Variants in CCDC171 observed in about 807,000 individuals in gnomAD.
The protein encoded by CCDC171 is coiled-coil domain containing 171.
In CCDC171, 177 loss-of-function variants were observed where a neutral mutation model predicts 168.2. That is an observed-to-expected ratio of 1.05 (90% CI 0.93 to 1.19). The LOEUF (loss-of-function observed/expected upper bound fraction) is 1.19, where lower values mean the gene tolerates loss of function less well. Among genes scored for constraint, CCDC171 ranks in the 50% most tolerant of loss-of-function variants. The pLI is 0.00. For missense variants in CCDC171, 1,991 were observed against 1,539.0 expected, an observed-to-expected ratio of 1.29 and a Z score of -4.91; for synonymous variants, 687 against 540.8, an observed-to-expected ratio of 1.27 and a Z score of -3.75.
chr9:15,971,661 C>A lies in CCDC171; in HGVS notation c.3806C>A (p.Pro1269His). Residue 1269 changes from proline (P) to histidine (H), a missense_variant, in exon 26 of 26, where the codon CCT becomes CAT. Coordinates refer to ENST00000380701, the MANE Select transcript of CCDC171 (RefSeq NM_173550.4). ...TCCATTCCTTCAAGAGCTCCTCTTC[C>A]TGCTGACACAACTGGTATTGGGGAT... is the stretch of plus-strand genomic sequence containing the variant. Reference protein sequence around the residue: ...NLSIPSRAPLPADTTGIGDFL... With the variant: ...NLSIPSRAPLHADTTGIGDFL... 1 of 1,613,876 alleles carries A rather than the reference C, an allele frequency of 6.2e-7. No homozygotes were observed. The highest frequency in any genetic ancestry group is 8.5e-7 in the Non-Finnish European group (1 of 1,179,876).
chr9:15,779,184 G>C (rs372999722), intron 20 of CCDC171, 34 bp downstream of exon 20: 1 of 1,259,426 alleles, frequency 7.9e-7, no homozygotes, highest in East Asian at 2.7e-5. Context: ...CTGTTGCTTT[G>C]CTGATATATA....
intron 21 of CCDC171, among the ~76,000 whole-genome samples, chr9:15,835,163 TA>T (rs1372690723): frequency 6.6e-6 from 1 of 152,234 alleles, no homozygotes; most frequent in Non-Finnish European, 1.5e-5. Context: ...TAAGAAATAC[TA>T]AGGCCCTATT....
chr9:15,808,569 C>T (rs573195485), intron 21 of CCDC171, among the ~76,000 whole-genome samples: 2 of 152,166 alleles, frequency 1.3e-5, no homozygotes, highest in African/African-American at 2.4e-5. Context: ...AACAATAAAT[C>T]TGAAAGAATC....
At chr9:16,005,821 A>G (rs1187174934) in intron 3 of CCDC171, among the ~76,000 whole-genome samples, 1 of 152,160 alleles carries the variant, frequency 6.6e-6, no homozygotes, top group Non-Finnish European at 1.5e-5. Context: ...CTAATCCCCC[A>G]TGGATATCAA....
chr9:15,983,867 G>A (rs1474711943), intron 3 of CCDC171, among the ~76,000 whole-genome samples: 1 of 120,926 alleles, frequency 8.3e-6, no homozygotes, highest in Non-Finnish European at 1.7e-5. Flanking sequence ...TTGGCATTTG[G>A]AAATCAGCAC....
intron 9 of CCDC171, among the ~76,000 whole-genome samples, chr9:15,677,932 T>G (rs2049750393): frequency 8.7e-5 from 3 of 34,294 alleles, no homozygotes; most frequent in African/African-American, 2.2e-4. Context: ...ATATAAGAGA[T>G]GTGGTCTCAT....
intron 21 of CCDC171, among the ~76,000 whole-genome samples, chr9:15,795,114 T>C (rs2058485149): frequency 2.0e-5 from 3 of 152,150 alleles, no homozygotes; most frequent in African/African-American, 7.2e-5. Flanking sequence ...GGCACCAATA[T>C]CAAGTTGTGG....
the CCDC171 span, among the ~76,000 whole-genome samples, chr9:16,091,512 G>A: frequency 6.6e-6 from 1 of 152,174 alleles, no homozygotes; most frequent in Non-Finnish European, 1.5e-5. Flanking sequence ...AATGCTCTGG[G>A]ACAACTGGTC....
chr9:15,761,314 A>C (rs541722143), intron 18 of CCDC171, among the ~76,000 whole-genome samples: 50 of 152,278 alleles, frequency 3.3e-4, no homozygotes, highest in African/African-American at 1.2e-3. Context: ...GTTGTGTTCA[A>C]CTCAACATTG....
At chr9:16,002,185 C>CT (rs1382258021) in intron 3 of CCDC171, among the ~76,000 whole-genome samples, 79 of 93,826 alleles carry the variant, frequency 8.4e-4, no homozygotes, top group South Asian at 1.5e-3. Flanking sequence ...ACTCCTTTTA[C>CT]TTTTTTTTTT....
At chr9:15,665,670 A>G (rs1272244093) in intron 8 of CCDC171, among the ~76,000 whole-genome samples, 1 of 152,158 alleles carries the variant, frequency 6.6e-6, no homozygotes, top group Non-Finnish European at 1.5e-5. Context: ...AGTCCCAGCT[A>G]CTTGAGAAGC....
intron 6 of CCDC171, among the ~76,000 whole-genome samples, chr9:16,032,274 C>A (rs934098759): frequency 6.6e-6 from 1 of 152,090 alleles, no homozygotes; most frequent in Non-Finnish European, 1.5e-5. Flanking sequence ...AATGAGACAC[C>A]AAGGTTTATT....
At chr9:15,906,196 C>T in intron 24 of CCDC171, among the ~76,000 whole-genome samples, 1 of 152,124 alleles carries the variant, frequency 6.6e-6, no homozygotes, top group Non-Finnish European at 1.5e-5. Flanking sequence ...ATCCTGATAC[C>T]AAAGCCTGGC....
chr9:15,615,580 A>G (rs577421025), intron 6 of CCDC171, among the ~76,000 whole-genome samples: 19 of 152,324 alleles, frequency 1.2e-4, no homozygotes, highest in African/African-American at 4.6e-4. Context: ...TAGCAGTAAT[A>G]TAGTAATATA....
At chr9:15,927,500 G>T (rs1826025028) in intron 25 of CCDC171, among the ~76,000 whole-genome samples, 2 of 151,656 alleles carry the variant, frequency 1.3e-5, no homozygotes, top group African/African-American at 4.8e-5. Flanking sequence ...CTACGGTACT[G>T]ATTTGCTTCA....
At chr9:15,775,896 G>A (rs1232224160) in intron 18 of CCDC171, among the ~76,000 whole-genome samples, 1 of 152,154 alleles carries the variant, frequency 6.6e-6, no homozygotes, top group African/African-American at 2.4e-5. Context: ...GATAAAAAGA[G>A]TTTGTTAAGA....
intron 18 of CCDC171, among the ~76,000 whole-genome samples, chr9:15,750,579 C>T (rs2134813584): frequency 6.6e-6 from 1 of 152,240 alleles, no homozygotes; most frequent in South Asian, 2.1e-4. Context: ...AAAATACTGG[C>T]AAACCGAATC....
intron 25 of CCDC171, among the ~76,000 whole-genome samples, chr9:15,962,198 A>G (rs1830411835): frequency 6.6e-6 from 1 of 152,184 alleles, no homozygotes. Context: ...TACCCTAGAA[A>G]GCATGAAATA....
At chr9:15,628,532 G>T (rs1053172213) in intron 7 of CCDC171, among the ~76,000 whole-genome samples, 1 of 152,226 alleles carries the variant, frequency 6.6e-6, no homozygotes, top group Non-Finnish European at 1.5e-5. Flanking sequence ...TGGGAAGCTT[G>T]AATTGGGTGG....
Sources: allele counts gnomAD v4.1 joint callset (sites outside exome capture counted in the v4.1 genomes callset), GRCh38; gene constraint gnomAD v4.1.1; transcripts MANE v1.5; gene names NCBI Gene and HGNC (gene_info 2026-07-23, HGNC 2026-07-21).